Variants in TMEM63A observed in about 807,000 individuals in gnomAD.
TMEM63A encodes transmembrane protein 63A, also known as mechanosensitive cation channel TMEM63A.
A neutral mutation model predicts 100.6 loss-of-function variants in TMEM63A; 76 were observed. That is an observed-to-expected ratio of 0.76 (90% CI 0.63 to 0.91). The LOEUF is 0.91. Among genes scored for constraint, TMEM63A ranks in the 40% least tolerant of loss-of-function variants. The pLI is 0.00. For missense variants in TMEM63A, 876 were observed against 1,008.8 expected (o/e 0.87, Z 1.78); for synonymous variants, 401 against 401.1 (o/e 1.00, Z 0.00).
At chr1:225,871,879 A>C in intron 5 of TMEM63A, 108 bp downstream of exon 5, 1 of 814,546 alleles carries the variant, frequency 1.2e-6, no homozygotes. Context: ...GCAGAAAAGC[A>C]CTTTCTCCAG....
At position 225,856,684 on chromosome 1, in the gene TMEM63A, C is replaced by T. The variant is rs1669633190; in HGVS notation, c.1539G>A (p.Met513Ile). 6.2e-7 allele frequency: 1 copy of T among 1,613,742 alleles called. No individual in the cohort carries two copies. Among genetic ancestry groups the T allele is most frequent in the South Asian group, 1.1e-5 (1 of 90,988 alleles). The change falls in exon 17 of 25, where the codon ATG (methionine) becomes ATA (isoleucine). Residue 513 changes from methionine to isoleucine, a missense_variant. Met to Ile is a conservative substitution (Grantham distance 10). Around this residue, in one of 5 missense-constraint regions of TMEM63A, gnomAD observed 487 missense variants for 581.9 expected, o/e 0.84. Coordinates refer to ENST00000366835, the MANE Select transcript of TMEM63A (RefSeq NM_014698.3). ...GACCCAGGGAGGGCAGGATCAGCACCATGAAGATCAAGAATATGTAGACTT... is the reference window on the plus strand; with the variant it reads ...GACCCAGGGAGGGCAGGATCAGCACTATGAAGATCAAGAATATGTAGACTT... ...MTKVYIFLIF[M>I]VLILPSLGLT...
chr1:225,854,405 T>C (rs540087476), intron 18 of TMEM63A, among the ~76,000 whole-genome samples: 1 of 151,896 alleles, frequency 6.6e-6, no homozygotes, highest in Admixed American at 6.6e-5. Context: ...ATGAGGGCGG[T>C]TGTGATGGAG....
In TMEM63A at chr1:225,846,388, A is replaced by G. The variant is rs542912180; in HGVS notation, c.*551T>C. ...CCCAGCTAGCGTCCCTGACAACATG[A>G]TACAAAAACACAGAACTCTAGCGGG... is the stretch of plus-strand genomic sequence containing the variant. On this transcript the variant is annotated 3_prime_UTR_variant, in exon 25 of 25. Coordinates refer to ENST00000366835, the MANE Select transcript of TMEM63A (RefSeq NM_014698.3). 1 of 152,546 alleles carries G rather than the reference A, an allele frequency of 6.6e-6. No individual in the cohort carries two copies. The highest frequency in any genetic ancestry group is 1.9e-4 in the East Asian group (1 of 5,178). The allele number at this position is 152,546 out of a possible 1,614,324, so 9.4% of individuals were successfully genotyped here.
chr1:225,866,698 C>T lies in TMEM63A; in HGVS notation c.567-16G>A, dbSNP rs368704291. The T allele has an allele frequency of 2.5e-6, 4 of 1,612,044 alleles. No individual in the cohort carries two copies. The African/African-American group carries it at 4.0e-5, about 16-fold the overall frequency. ...GAGGTCATTGCTGAGAGGGAAACCACCTGCCATCAGGGCTGGGATCCCAGG... is the reference window on the plus strand; with the variant it reads ...GAGGTCATTGCTGAGAGGGAAACCATCTGCCATCAGGGCTGGGATCCCAGG... On this transcript the variant is annotated splice_polypyrimidine_tract_variant and intron_variant, in intron 8 of 24. Coordinates refer to ENST00000366835, the MANE Select transcript of TMEM63A (RefSeq NM_014698.3).
downstream of TMEM63A, among the ~76,000 whole-genome samples, chr1:225,843,741 C>T (rs906365707): frequency 2.0e-5 from 3 of 152,312 alleles, no homozygotes; most frequent in African/African-American, 7.2e-5. Flanking sequence ...TGGTCGTGGT[C>T]GTTTTCAAGC....
At chr1:225,877,369 G>A in intron 3 of TMEM63A, 26 bp downstream of exon 3, 1 of 1,587,870 alleles carries the variant, frequency 6.3e-7, no homozygotes. Context: ...CTGAGGCAGT[G>A]GGACACGACT....
chr1:225,849,089 C>T, intron 21 of TMEM63A, 77 bp from the exon 22 acceptor site: 3 of 1,159,904 alleles, frequency 2.6e-6, no homozygotes, highest in Non-Finnish European at 3.7e-6. Flanking sequence ...GAGGAAGGGG[C>T]CGCACCTGGT....
At chr1:225,859,080 G>A in intron 15 of TMEM63A, 116 bp downstream of exon 15, 3 of 1,435,994 alleles carry the variant, frequency 2.1e-6, no homozygotes, top group Non-Finnish European at 2.9e-6. Context: ...TGAGCAACAT[G>A]ACCCACTGGT....
chr1:225,843,293 T>C (rs1668588465), downstream of TMEM63A, among the ~76,000 whole-genome samples: 1 of 152,134 alleles, frequency 6.6e-6, no homozygotes, highest in South Asian at 2.1e-4. Flanking sequence ...AGGAGTTTGC[T>C]GGATGGAGGA....
chr1:225,866,691 G>A lies in TMEM63A; in HGVS notation c.567-9C>T. Reference sequence around the variant, plus strand: ...GCCAAAGGAGGTCATTGCTGAGAGGGAAACCACCTGCCATCAGGGCTGGGA... The same window carrying A: ...GCCAAAGGAGGTCATTGCTGAGAGGAAAACCACCTGCCATCAGGGCTGGGA... On this transcript the variant is annotated splice_polypyrimidine_tract_variant and intron_variant, in intron 8 of 24. Coordinates refer to ENST00000366835, the MANE Select transcript of TMEM63A (RefSeq NM_014698.3). 6.2e-7 allele frequency: 1 copy of A among 1,613,242 alleles called. No homozygotes were observed. The highest frequency in any genetic ancestry group is 8.5e-7 in the Non-Finnish European group (1 of 1,179,382).
chr1:225,850,631 C>T (rs1398532527), intron 20 of TMEM63A, among the ~76,000 whole-genome samples: 2 of 152,208 alleles, frequency 1.3e-5, no homozygotes, highest in African/African-American at 2.4e-5. Flanking sequence ...ATGCGAACTT[C>T]GCCTGGCATT....
intron 14 of TMEM63A, chr1:225,859,647 C>CTTTT (rs1360369797): frequency 1.2e-5 from 4 of 335,692 alleles, no homozygotes; most frequent in South Asian, 3.5e-5. Context: ...TTTTCTTTTT[C>CTTTT]TGTTTTTTTT....
chr1:225,857,541 G>A (rs906911515), intron 15 of TMEM63A, among the ~76,000 whole-genome samples: 11 of 151,860 alleles, frequency 7.2e-5, no homozygotes, highest in African/African-American at 2.2e-4. Flanking sequence ...TAAAAATAGA[G>A]AGAAATTTTC....
intron 2 of TMEM63A, 135 bp from the exon 3 acceptor site, chr1:225,877,729 G>A (rs1670882392): frequency 7.7e-6 from 6 of 781,960 alleles, no homozygotes; most frequent in Non-Finnish European, 1.2e-5. Flanking sequence ...CAAGGAGTCC[G>A]GGAGAGCCAG....
At chr1:225,876,193 G>A (rs1401246891) in intron 3 of TMEM63A, among the ~76,000 whole-genome samples, 1 of 149,518 alleles carries the variant, frequency 6.7e-6, no homozygotes, top group Admixed American at 6.7e-5. Context: ...TCCCTGCCCA[G>A]GTCCCCCTCT....
At position 225,850,044 on chromosome 1, in the gene TMEM63A, G is replaced by T; in HGVS notation, c.1939C>A (p.Arg647=). ...IYILLKHMVD[R]HNLYFVYLPA... Reference sequence around the variant, plus strand: ...AGGTAGACGAAGTAGAGGTTGTGCCGGTCCACCATGTGCTTGAGCAGGATG... The same window carrying T: ...AGGTAGACGAAGTAGAGGTTGTGCCTGTCCACCATGTGCTTGAGCAGGATG... The change falls in exon 21 of 25, where the codon CGG becomes AGG. Residue 647 remains arginine (R), a synonymous_variant. Coordinates refer to ENST00000366835, the MANE Select transcript of TMEM63A (RefSeq NM_014698.3). The T allele has an allele frequency of 1.2e-6, 2 of 1,614,174 alleles. No homozygotes were observed. Among genetic ancestry groups the T allele is most frequent in the Non-Finnish European group, 1.7e-6 (2 of 1,180,030 alleles).
Position 225,867,084 on chromosome 1 carries a change from C to T in TMEM63A, c.566+28G>A, listed in dbSNP as rs747937887. ...CCTTCTCCTTGATCTCACCCATCAG[C>T]ACCTATCCCCACGGGCTCCATACTC... On this transcript the variant is annotated intron_variant, in intron 8 of 24. Coordinates refer to ENST00000366835, the MANE Select transcript of TMEM63A (RefSeq NM_014698.3). This position sits in a 1 kb window ranked among gnomAD's most constrained non-coding sequence, Gnocchi z 4.6. 6.2e-7 allele frequency: 1 copy of T among 1,613,808 alleles called. No homozygotes were observed.
rs1327534063 is a variant in TMEM63A at position 225,871,097 on chromosome 1, A to G, written c.350T>C (p.Leu117Pro). The change falls in exon 6 of 25, where the codon CTG (leucine) becomes CCG (proline). Residue 117 changes from leucine to proline, a missense_variant. By Grantham distance (98) the Leu-to-Pro change is moderately conservative. Around this residue, in one of 5 missense-constraint regions of TMEM63A, gnomAD observed 487 missense variants for 581.9 expected, o/e 0.84. Transcript: ENST00000366835. ...FENELGCCPW[L>P]TAIFRLHDDQ... ...TCACTGCAGACGGAAGATGGCAGTC[A>G]GCCAGGGACAGCATCCCTGGAAACG... The G allele has an allele frequency of 6.2e-7, 1 of 1,614,086 alleles. No individual in the cohort carries two copies. The highest frequency in any genetic ancestry group is 2.2e-5 in the East Asian group (1 of 44,888).
chr1:225,860,749 A>G, intron 14 of TMEM63A, 111 bp downstream of exon 14: 2 of 1,333,496 alleles, frequency 1.5e-6, no homozygotes, highest in Non-Finnish European at 2.0e-6. Context: ...AGAATTGCAG[A>G]TGTGTGGAGA....
Sources: allele counts gnomAD v4.1 joint callset (sites outside exome capture counted in the v4.1 genomes callset), GRCh38; gene constraint gnomAD v4.1.1; regional missense constraint gnomAD v4.1.1; non-coding constraint Gnocchi (gnomAD v3.1); transcripts MANE v1.5; gene names NCBI Gene and HGNC (gene_info 2026-07-23, HGNC 2026-07-21).